The following FLT3 variants were observed in gnomAD, a reference collection of about 807,000 sequenced individuals.
The protein encoded by FLT3 is receptor-type tyrosine-protein kinase FLT3.
In FLT3, 46 loss-of-function variants were observed where a neutral mutation model predicts 126.6. That is an observed-to-expected ratio of 0.36 (90% CI 0.29 to 0.46). The LOEUF (loss-of-function observed/expected upper bound fraction) is 0.46. Ranked by LOEUF, FLT3 falls within the 20% of genes least tolerant of loss-of-function variation. The pLI is 1.00. For synonymous variants in FLT3, 404 were observed against 434.4 expected (o/e 0.93, Z 0.87); for missense variants, 1,069 against 1,190.3 (o/e 0.90, Z 1.50).
At chr13:28,004,438 TG>T (rs1870702810) in intron 23 of FLT3, among the ~76,000 whole-genome samples, 2 of 152,164 alleles carry the variant, frequency 1.3e-5, no homozygotes, top group Admixed American at 1.3e-4. Flanking sequence ...CCTGAGTAGC[TG>T]GGACCACAAG....
At chr13:28,056,365 T>C (rs1429808075) in intron 4 of FLT3, among the ~76,000 whole-genome samples, 2 of 152,136 alleles carry the variant, frequency 1.3e-5, no homozygotes, top group Non-Finnish European at 1.5e-5. Flanking sequence ...ATTTAGTCAC[T>C]GACAAGGAAG....
At chr13:28,023,225 C>T (rs1183128520) in intron 19 of FLT3, 125 bp downstream of exon 19, 1 of 983,108 alleles carries the variant, frequency 1.0e-6, no homozygotes, top group Non-Finnish European at 1.5e-6. Context: ...TAGGTGACTC[C>T]AACAGTGAAC....
intron 1 of FLT3, among the ~76,000 whole-genome samples, chr13:28,095,284 C>CT (rs997844320): frequency 3.4e-3 from 509 of 149,500 alleles, no homozygotes; most frequent in Middle Eastern, 0.017. Context: ...TTTCCCCTCT[C>CT]TTTTTTTTTT....
At position 28,028,168 on chromosome 13, in the gene FLT3, A is replaced by C. The variant is rs1163498334; in HGVS notation, c.2053+10T>G. Reference sequence around the variant, plus strand: ...TTTTTGATGAGGTGATTTTCGTGGAAGTGGGTTACCTGACAGTGTGCACGC... The same window carrying C: ...TTTTTGATGAGGTGATTTTCGTGGACGTGGGTTACCTGACAGTGTGCACGC... On this transcript the variant is annotated intron_variant, in intron 16 of 23. Transcript: ENST00000241453. 3.5e-6 allele frequency: 5 copies of C among 1,418,340 alleles called. No individual in the cohort carries two copies. Among genetic ancestry groups the C allele is most frequent in the Non-Finnish European group, 5.0e-6 (5 of 1,002,306 alleles). The allele number at this position is 1,418,340 out of a possible 1,614,324, so 87.9% of individuals were successfully genotyped here. A position where few individuals can be genotyped will look rare whatever the true frequency, so the allele number is the denominator to read the frequency against.
chr13:28,037,931 G>A (rs1216491221), intron 9 of FLT3, among the ~76,000 whole-genome samples: 1 of 152,144 alleles, frequency 6.6e-6, no homozygotes, highest in African/African-American at 2.4e-5. Context: ...ATCTGAGATA[G>A]AACAGTTTCA....
Position 28,052,755 on chromosome 13 carries a change from A to T in FLT3, c.485-81T>A, listed in dbSNP as rs960777276. 1.7e-5 allele frequency: 17 copies of T among 1,026,032 alleles called. 1 individual carries two copies. The Admixed American group carries it at 2.8e-4, about 17-fold the overall frequency. 63.6% of individuals were successfully genotyped at this position (1,026,032 alleles called of 1,614,324 possible). ...GCCCCTCAGAAAAGGATTCTATGTC[A>T]TTATGAAAAGTTCTCAACCATTACG... On this transcript the variant is annotated intron_variant, in intron 4 of 23. Transcript: ENST00000241453.
chr13:28,006,728 CTTTT>C (rs753656559), intron 23 of FLT3, among the ~76,000 whole-genome samples: 11 of 132,880 alleles, frequency 8.3e-5, no homozygotes, highest in East Asian at 6.4e-4. Context: ...CCTTTCTTTC[CTTTT>C]TTTTTTTTTT....
rs142722175 is a variant in FLT3 at position 28,044,831 on chromosome 13, T to C, written c.1205+3444A>G. On this transcript the variant is annotated intron_variant, in intron 9 of 23. Coordinates refer to ENST00000241453, the MANE Select transcript of FLT3 (RefSeq NM_004119.3). Reference sequence around the variant, plus strand: ...GGTCCTTGCAGTGAAGAGGATGCTGTCGACTCATCTTTGGCCCAGACTGCA... The same window carrying C: ...GGTCCTTGCAGTGAAGAGGATGCTGCCGACTCATCTTTGGCCCAGACTGCA... Among the ~76,000 whole-genome samples, 340 of 152,340 alleles carry C rather than the reference T, an allele frequency of 2.2e-3. 2 individuals carry two copies. The highest frequency in any genetic ancestry group is 7.5e-3 in the African/African-American group (313 of 41,570).
intron 23 of FLT3, among the ~76,000 whole-genome samples, chr13:28,013,727 T>G (rs1307796151): frequency 6.6e-6 from 1 of 152,224 alleles, no homozygotes; most frequent in Non-Finnish European, 1.5e-5. Flanking sequence ...GTGGTACAGC[T>G]GGTATTCAAC....
chr13:28,030,422 T>TAATA (rs1873216635), intron 15 of FLT3, among the ~76,000 whole-genome samples: 3 of 152,188 alleles, frequency 2.0e-5, no homozygotes, highest in Admixed American at 6.5e-5. Context: ...CAACAAGTAT[T>TAATA]TATTGAGTGC....
chr13:28,033,150 T>TAA (rs1254819258), intron 15 of FLT3, among the ~76,000 whole-genome samples: 1 of 107,866 alleles, frequency 9.3e-6, no homozygotes, highest in Non-Finnish European at 2.1e-5. Flanking sequence ...ACACCGTATC[T>TAA]ACAAAAAAAA....
intron 2 of FLT3, among the ~76,000 whole-genome samples, chr13:28,067,004 C>A (rs4769592): frequency 0.75 from 113,715 of 152,028 alleles, 42,862 homozygotes; most frequent in East Asian, 0.82. Flanking sequence ...GAATATGATG[C>A]TCTGGGAAGG....
At chr13:28,020,541 T>C (rs1593222813) in intron 19 of FLT3, among the ~76,000 whole-genome samples, 2 of 152,080 alleles carry the variant, frequency 1.3e-5, no homozygotes, top group East Asian at 3.9e-4. Context: ...GAGATGGGGT[T>C]TTGCCATGTT....
intron 17 of FLT3, 32 bp downstream of exon 17, chr13:28,027,056 T>A: frequency 6.3e-7 from 1 of 1,598,532 alleles, no homozygotes; most frequent in East Asian, 2.2e-5. Flanking sequence ...TTCTATGATG[T>A]GTAATTACGA....
intron 1 of FLT3, among the ~76,000 whole-genome samples, chr13:28,073,992 A>G (rs1431843110): frequency 3.3e-5 from 5 of 151,724 alleles, no homozygotes; most frequent in Non-Finnish European, 5.9e-5. Context: ...TTTTTAAAAG[A>G]TAGTAAAGTT....
chr13:28,014,469 C>T lies in FLT3; in HGVS notation c.2842G>A (p.Ala948Thr), dbSNP rs1871657278. 1.2e-6 allele frequency: 2 copies of T among 1,613,328 alleles called. No individual in the cohort carries two copies. The highest frequency in any genetic ancestry group is 4.5e-5 in the East Asian group (2 of 44,876). ...CTACATACCGCTTCTTCTGCATCTG[C>T]CAGCTGACATCCTAAAAACGAAGTC... ...NLTSFLGCQL[A>T]DAEEAMYQNV... Residue 948 changes from alanine to threonine, a missense_variant, in exon 23 of 24, where the codon GCA becomes ACA. Coordinates refer to ENST00000241453, the MANE Select transcript of FLT3 (RefSeq NM_004119.3).
chr13:28,065,031 T>C (rs1876893692), intron 2 of FLT3, among the ~76,000 whole-genome samples: 1 of 152,116 alleles, frequency 6.6e-6, no homozygotes, highest in African/African-American at 2.4e-5. Flanking sequence ...AAGAACTGAT[T>C]TGCAATGATT....
At chr13:28,034,972 T>C (rs1177397053) in intron 12 of FLT3, among the ~76,000 whole-genome samples, 1 of 151,384 alleles carries the variant, frequency 6.6e-6, no homozygotes, top group Non-Finnish European at 1.5e-5. Context: ...GATTTAAACC[T>C]ACAGGATGTA....
intron 1 of FLT3, among the ~76,000 whole-genome samples, chr13:28,097,888 T>C (rs1174826836): frequency 1.3e-5 from 2 of 152,214 alleles, no homozygotes; most frequent in Non-Finnish European, 2.9e-5. Context: ...GGTAGTATCA[T>C]AGCTCTTAAA....
Sources: allele counts gnomAD v4.1 joint callset (sites outside exome capture counted in the v4.1 genomes callset), GRCh38; gene constraint gnomAD v4.1.1; transcripts MANE v1.5; gene names NCBI Gene and HGNC (gene_info 2026-07-23, HGNC 2026-07-21).